The following SETBP1 variants were observed in gnomAD, a reference collection of about 807,000 sequenced individuals.
SETBP1 encodes SET-binding protein.
A neutral mutation model predicts 101.0 loss-of-function variants in SETBP1; 9 were observed. That is an observed-to-expected ratio of 0.09 (90% CI 0.05 to 0.16). The LOEUF (loss-of-function observed/expected upper bound fraction) is 0.16, where lower values mean the gene tolerates loss of function less well. Ranked by LOEUF, SETBP1 falls within the 10% of genes least tolerant of loss-of-function variation. SETBP1 has a pLI of 1.00. For missense variants in SETBP1, 1,858 were observed against 2,033.8 expected, an observed-to-expected ratio of 0.91 and a Z score of 1.66; for synonymous variants, 818 against 788.5, an observed-to-expected ratio of 1.04 and a Z score of -0.63.
At chr18:44,876,282 G>A (rs559366158) in intron 3 of SETBP1, among the ~76,000 whole-genome samples, 1 of 152,280 alleles carries the variant, frequency 6.6e-6, no homozygotes, top group Admixed American at 6.5e-5. Flanking sequence ...TTAGGAAAGA[G>A]CCATCCCAAA....
chr18:44,823,287 T>C (rs1449144274), intron 2 of SETBP1, among the ~76,000 whole-genome samples: 1 of 152,110 alleles, frequency 6.6e-6, no homozygotes, highest in Non-Finnish European at 1.5e-5. Flanking sequence ...TAAAAAGAAA[T>C]AGATATCCCT....
Position 44,952,220 on chromosome 18 carries a change from A to G in SETBP1, c.2880A>G (p.Leu960=). 2 of 1,614,118 alleles carry G rather than the reference A, an allele frequency of 1.2e-6. No homozygotes were observed. The highest frequency in any genetic ancestry group is 1.7e-6 in the Non-Finnish European group (2 of 1,180,008). ...DLQFLADLEE[L]ITKFQVFRIS... ...AGTTTCTGGCAGACCTGGAGGAGCT[A>G]ATCACCAAGTTCCAAGTGTTCAGAA... The change falls in exon 4 of 6, where the codon CTA becomes CTG. Residue 960 remains leucine (L), a synonymous_variant. Transcript: ENST00000649279.
intron 3 of SETBP1, among the ~76,000 whole-genome samples, chr18:44,926,632 G>T (rs1228373733): frequency 2.0e-5 from 3 of 152,152 alleles, no homozygotes; most frequent in African/African-American, 7.2e-5. Context: ...CAGAGCAACT[G>T]CCAATAGGGC....
intron 2 of SETBP1, among the ~76,000 whole-genome samples, chr18:44,786,324 G>C (rs1438311477): frequency 6.6e-6 from 1 of 152,086 alleles, no homozygotes; most frequent in Non-Finnish European, 1.5e-5. Context: ...AGGCTTTTTG[G>C]TTTAATATTG....
intron 2 of SETBP1, among the ~76,000 whole-genome samples, chr18:44,843,199 A>C (rs1166774497): frequency 1.3e-5 from 2 of 152,238 alleles, no homozygotes; most frequent in Admixed American, 1.3e-4. Context: ...TGAGAGGGGC[A>C]TGGCACCTCT....
chr18:45,032,617 T>A lies in SETBP1; in HGVS notation c.4001-5868T>A, dbSNP rs1234708004. Among the ~76,000 whole-genome samples, 5 of 152,308 alleles carry A rather than the reference T, an allele frequency of 3.3e-5. No individual in the cohort carries two copies. In the East Asian group the frequency reaches 9.6e-4, roughly 29 times the overall value. On this transcript the variant is annotated intron_variant, in intron 4 of 5. Transcript: ENST00000649279. ...TCTGATTACGCAGGTTGTTTGTTGT[T>A]CACAGGTGCCTGGCATGGGAGGAGA...
At chr18:44,744,194 G>A (rs1386256115) in intron 2 of SETBP1, among the ~76,000 whole-genome samples, 2 of 152,226 alleles carry the variant, frequency 1.3e-5, no homozygotes, top group African/African-American at 4.8e-5. Context: ...AGGCTCCTGG[G>A]TCTCTGGGGA....
chr18:44,955,274 C>T (rs1439416613), intron 4 of SETBP1, among the ~76,000 whole-genome samples: 1 of 152,184 alleles, frequency 6.6e-6, no homozygotes, highest in African/African-American at 2.4e-5. Flanking sequence ...TAAAACTCCT[C>T]CTCATCCCTG....
chr18:44,907,822 C>T (rs1455245672), intron 3 of SETBP1, among the ~76,000 whole-genome samples: 2 of 152,122 alleles, frequency 1.3e-5, no homozygotes, highest in African/African-American at 4.8e-5. Flanking sequence ...ATGCCAGTGA[C>T]CTTCGAAGCA....
At chr18:44,984,773 A>G (rs964267783) in intron 4 of SETBP1, among the ~76,000 whole-genome samples, 5 of 152,186 alleles carry the variant, frequency 3.3e-5, no homozygotes, top group African/African-American at 1.2e-4. Context: ...TTGCTAATGT[A>G]CCTTGCAGTG....
At chr18:44,842,574 G>A (rs1458055863) in intron 2 of SETBP1, among the ~76,000 whole-genome samples, 1 of 152,150 alleles carries the variant, frequency 6.6e-6, no homozygotes, top group Non-Finnish European at 1.5e-5. Context: ...ACAGGGAATG[G>A]GCAATTCCAT....
chr18:44,848,829 C>T (rs1341297301), intron 2 of SETBP1, among the ~76,000 whole-genome samples: 5 of 152,196 alleles, frequency 3.3e-5, no homozygotes, highest in Admixed American at 6.5e-5. Flanking sequence ...TACATTTCTC[C>T]AAGGATGGGG....
intron 4 of SETBP1, among the ~76,000 whole-genome samples, chr18:44,957,778 T>G (rs1048902801): frequency 1.3e-4 from 20 of 152,150 alleles, no homozygotes; most frequent in African/African-American, 4.8e-4. Flanking sequence ...TCATGAAAAC[T>G]ATACAAAGGA....
chr18:44,866,497 A>T (rs2069132361), intron 2 of SETBP1, among the ~76,000 whole-genome samples: 1 of 152,168 alleles, frequency 6.6e-6, no homozygotes, highest in Non-Finnish European at 1.5e-5. Flanking sequence ...GATATGCAAA[A>T]TTTACATAAG....
At chr18:44,724,278 G>A in intron 2 of SETBP1, among the ~76,000 whole-genome samples, 1 of 152,150 alleles carries the variant, frequency 6.6e-6, no homozygotes, top group Middle Eastern at 3.2e-3. Context: ...TGTGAATGTT[G>A]GGAAAAGTCA....
Position 45,067,669 on chromosome 18 carries a change from T to G in SETBP1, c.*3971T>G, listed in dbSNP as rs1206745355. 1 of 152,248 alleles carries G rather than the reference T, an allele frequency of 6.6e-6. No homozygotes were observed. Among genetic ancestry groups the G allele is most frequent in the Non-Finnish European group, 1.5e-5 (1 of 68,048 alleles). 9.4% of individuals were successfully genotyped at this position (152,248 alleles called of 1,614,324 possible). ...CGAACTGTAATATATCGTAGCATTT[T>G]CTTGGTGTTTCTTAAAGTTTCTTTC... is the stretch of plus-strand genomic sequence containing the variant. On this transcript the variant is annotated 3_prime_UTR_variant, in exon 6 of 6. Transcript: ENST00000649279.
rs571978360 is a variant in SETBP1 at position 44,929,485 on chromosome 18, G to T, written c.541-20396G>T. Among the ~76,000 whole-genome samples, 441 of 152,258 alleles carry T rather than the reference G, an allele frequency of 2.9e-3. 5 individuals are homozygous for T. Among genetic ancestry groups the T allele is most frequent in the African/African-American group, 0.01 (422 of 41,542 alleles). On this transcript the variant is annotated intron_variant, in intron 3 of 5. Transcript: ENST00000649279. Reference sequence around the variant, plus strand: ...AATTCTGTGAAGAAAGTCATTGGTAGCTTGATGAGGATGGCATTGAATCTA... The same window carrying T: ...AATTCTGTGAAGAAAGTCATTGGTATCTTGATGAGGATGGCATTGAATCTA...
chr18:44,683,391 G>A (rs2068790241), intron 1 of SETBP1, among the ~76,000 whole-genome samples: 1 of 152,194 alleles, frequency 6.6e-6, no homozygotes, highest in Non-Finnish European at 1.5e-5. Flanking sequence ...GAGTGTTTTA[G>A]GATTTAGTTG....
intron 1 of SETBP1, among the ~76,000 whole-genome samples, chr18:44,684,835 C>G (rs766631646): frequency 6.6e-6 from 1 of 151,914 alleles, no homozygotes; most frequent in Non-Finnish European, 1.5e-5. Flanking sequence ...TTAGTAGAGA[C>G]GGGGTTTCAC....
Sources: allele counts gnomAD v4.1 joint callset (sites outside exome capture counted in the v4.1 genomes callset), GRCh38; gene constraint gnomAD v4.1.1; transcripts MANE v1.5; gene names NCBI Gene and HGNC (gene_info 2026-07-23, HGNC 2026-07-21).